GPC3: variants seen among roughly 807,000 people sequenced by gnomAD.
The protein encoded by GPC3 is glypican 3.
GPC3 carries 3 observed loss-of-function variants against 34.4 expected under a neutral mutation model. That is an observed-to-expected ratio of 0.09 (90% CI 0.04 to 0.23). The LOEUF is 0.23. Ranked by LOEUF, GPC3 falls within the 10% of genes least tolerant of loss-of-function variation. The pLI is 1.00. For synonymous variants in GPC3, 177 were observed against 174.0 expected (o/e 1.02, Z -0.13); for missense variants, 351 against 445.6 (o/e 0.79, Z 1.91).
intron 2 of GPC3, among the ~76,000 whole-genome samples, chrX:133,861,224 G>A (rs772668631): frequency 1.5e-3 from 168 of 111,557 alleles, no homozygotes; most frequent in Middle Eastern, 4.2e-3. Flanking sequence ...TGATCTAGCT[G>A]CATCTAGTTT....
chrX:133,750,218 C>A (rs1191842673), intron 3 of GPC3, among the ~76,000 whole-genome samples: 1 of 111,975 alleles, frequency 8.9e-6, no homozygotes, highest in Non-Finnish European at 1.9e-5. Flanking sequence ...GAAATGCACT[C>A]CCCCTGCACG....
At chrX:133,613,250 T>TA (rs2070128775) in intron 6 of GPC3, among the ~76,000 whole-genome samples, 1 of 112,320 alleles carries the variant, frequency 8.9e-6, no homozygotes, top group Admixed American at 9.5e-5. Flanking sequence ...GTTGCTCTTC[T>TA]ATGTAATTTG....
chrX:133,870,468 C>G (rs1433529788), intron 2 of GPC3, among the ~76,000 whole-genome samples: 1 of 111,562 alleles, frequency 9.0e-6, no homozygotes, highest in African/African-American at 3.3e-5. Context: ...TTTAACAAGC[C>G]TTTTTATTTA....
At chrX:133,950,332 G>A (rs2076386782) in intron 2 of GPC3, among the ~76,000 whole-genome samples, 1 of 112,073 alleles carries the variant, frequency 8.9e-6, no homozygotes, top group South Asian at 3.7e-4. Flanking sequence ...GAGGGCAAAG[G>A]CTTCCTGCAA....
chrX:133,980,901 C>T (rs1001117024), intron 1 of GPC3, among the ~76,000 whole-genome samples: 1 of 112,284 alleles, frequency 8.9e-6, no homozygotes, highest in South Asian at 3.7e-4. Flanking sequence ...AACATTGCAA[C>T]TCTAAAGATG....
At chrX:133,802,110 T>C (rs1019535523) in intron 2 of GPC3, among the ~76,000 whole-genome samples, 2 of 112,040 alleles carry the variant, frequency 1.8e-5, no homozygotes, top group African/African-American at 6.5e-5. Context: ...TCAGAGTCAA[T>C]ACAAACAGAA....
At chrX:133,948,330 G>T (rs967619764) in intron 2 of GPC3, among the ~76,000 whole-genome samples, 1 of 110,491 alleles carries the variant, frequency 9.1e-6, no homozygotes, top group Non-Finnish European at 1.9e-5. Context: ...AGGGGGAGTG[G>T]GAGAGACAGG....
At chrX:133,965,440 C>A (rs2096435990) in intron 1 of GPC3, among the ~76,000 whole-genome samples, 1 of 110,244 alleles carries the variant, frequency 9.1e-6, no homozygotes, top group African/African-American at 3.3e-5. Flanking sequence ...AGGAGAGACA[C>A]AAGAAGAGTA....
chrX:133,835,113 A>G (rs184080244), intron 2 of GPC3, among the ~76,000 whole-genome samples: 17 of 111,879 alleles, frequency 1.5e-4, no homozygotes, highest in African/African-American at 5.5e-4. Flanking sequence ...TGAATGTGTA[A>G]GGAATGAAAG....
At chrX:133,561,205 G>C (rs752341584) in intron 7 of GPC3, among the ~76,000 whole-genome samples, 2 of 112,309 alleles carry the variant, frequency 1.8e-5, no homozygotes, top group Non-Finnish European at 3.7e-5. Context: ...CAAAAGATTG[G>C]TAAACAGAAG....
chrX:133,669,430 G>A lies in GPC3; in HGVS notation c.1293-7580C>T, dbSNP rs181983194. Among the ~76,000 whole-genome samples the A allele has an allele frequency of 1.9e-3, 211 of 112,164 alleles. 1 individual carries two copies. The highest frequency in any genetic ancestry group is 6.6e-3 in the African/African-American group (203 of 30,859). ...CAAGCCCAGAGGGAAGTCAATCGAT[G>A]AAGGGTGCCTCTGCAGCTTTGCATT... On this transcript the variant is annotated intron_variant, in intron 5 of 7. Coordinates refer to ENST00000370818, the MANE Select transcript of GPC3 (RefSeq NM_004484.4).
chrX:133,535,763 A>T lies in GPC3; in HGVS notation c.*361T>A. ...CAATACATTTTTATTTGAGCAATTTATTTTTTTTCAAAGAAATCCATGCAA... is the reference window on the plus strand; with the variant it reads ...CAATACATTTTTATTTGAGCAATTTTTTTTTTTTCAAAGAAATCCATGCAA... On this transcript the variant is annotated 3_prime_UTR_variant, in exon 8 of 8. Coordinates refer to ENST00000370818, the MANE Select transcript of GPC3 (RefSeq NM_004484.4). The T allele has an allele frequency of 4.5e-6, 1 of 223,496 alleles. No individual in the cohort carries two copies. Among genetic ancestry groups the T allele is most frequent in the Admixed American group, 6.4e-5 (1 of 15,641 alleles). 18.4% of individuals were successfully genotyped at this position (223,496 alleles called of 1,213,427 possible). A position where few individuals can be genotyped will look rare whatever the true frequency, so the allele number is the denominator to read the frequency against.
intron 7 of GPC3, 94 bp from the exon 8 acceptor site, chrX:133,536,387 A>G: frequency 3.0e-6 from 2 of 670,837 alleles, no homozygotes; most frequent in Non-Finnish European, 4.8e-6. Flanking sequence ...GGACCACTGG[A>G]AAGCCTCAGC....
chrX:133,571,888 T>G (rs1042149202), intron 7 of GPC3, among the ~76,000 whole-genome samples: 1 of 112,300 alleles, frequency 8.9e-6, no homozygotes, highest in Non-Finnish European at 1.9e-5. Context: ...TGAATGGTGA[T>G]TATGAATCAC....
At chrX:133,675,347 T>C (rs1305263803) in intron 5 of GPC3, among the ~76,000 whole-genome samples, 1 of 111,387 alleles carries the variant, frequency 9.0e-6, no homozygotes, top group African/African-American at 3.3e-5. Context: ...TTTAACTGAC[T>C]CACTTGTCAG....
intron 3 of GPC3, among the ~76,000 whole-genome samples, chrX:133,719,900 G>C (rs1439244199): frequency 8.9e-6 from 1 of 111,802 alleles, no homozygotes; most frequent in Non-Finnish European, 1.9e-5. Context: ...GGTGGGCAAA[G>C]AACATGAATA....
chrX:133,812,090 T>C (rs1429109484), intron 2 of GPC3, among the ~76,000 whole-genome samples: 3 of 112,026 alleles, frequency 2.7e-5, no homozygotes, highest in African/African-American at 9.7e-5. Context: ...AATAAAGTAG[T>C]CCCAAACTTC....
intron 2 of GPC3, among the ~76,000 whole-genome samples, chrX:133,825,109 C>T (rs753736986): frequency 3.6e-5 from 4 of 111,982 alleles, no homozygotes; most frequent in Non-Finnish European, 7.5e-5. Flanking sequence ...CCCACCTCAG[C>T]CTCCCAAAGT....
At chrX:133,669,231 C>T (rs2070802599) in intron 5 of GPC3, among the ~76,000 whole-genome samples, 1 of 112,256 alleles carries the variant, frequency 8.9e-6, no homozygotes, top group Non-Finnish European at 1.9e-5. Context: ...ATCCATGCCA[C>T]TAGACACATA....
Sources: gnomAD v4.1 joint callset for allele counts (sites outside exome capture counted in the v4.1 genomes callset) on GRCh38, gnomAD v4.1.1 for gene constraint, MANE v1.5 for transcripts, NCBI Gene and HGNC (gene_info 2026-07-23, HGNC 2026-07-21) for gene names.